Variants in TMEM38B observed in about 807,000 individuals in gnomAD.
TMEM38B encodes transmembrane protein 38B.
TMEM38B carries 24 observed loss-of-function variants against 28.7 expected under a neutral mutation model. The ratio of observed to expected loss-of-function variants is 0.84; its 90% CI spans 0.61 to 1.18. The LOEUF is 1.18. Among genes scored for constraint, TMEM38B ranks in the 50% most tolerant of loss-of-function variants. TMEM38B has a pLI of 0.00. For synonymous variants in TMEM38B, 131 were observed against 127.7 expected, an observed-to-expected ratio of 1.03 and a Z score of -0.17; for missense variants, 380 against 350.9, an observed-to-expected ratio of 1.08 and a Z score of -0.66.
intron 5 of TMEM38B, among the ~76,000 whole-genome samples, chr9:105,771,527 A>T (rs1383544380): frequency 6.6e-6 from 1 of 152,194 alleles, no homozygotes; most frequent in Non-Finnish European, 1.5e-5. Context: ...TGTAAAAAAG[A>T]CGTTGCTGTT....
intron 4 of TMEM38B, among the ~76,000 whole-genome samples, chr9:105,740,057 A>G (rs1837138339): frequency 6.7e-6 from 1 of 149,518 alleles, no homozygotes; most frequent in African/African-American, 2.5e-5. Context: ...TAGTTTCTGT[A>G]TTTTTAGTAG....
intron 5 of TMEM38B, among the ~76,000 whole-genome samples, chr9:105,772,296 C>T (rs1826573051): frequency 6.6e-6 from 1 of 152,146 alleles, no homozygotes; most frequent in Non-Finnish European, 1.5e-5. Flanking sequence ...TTTTAGGGCT[C>T]ACTTCCATGC....
Position 105,773,991 on chromosome 9 carries a change from C to A in TMEM38B, c.787C>A (p.Pro263Thr), listed in dbSNP as rs757131609. Residue 263 changes from proline to threonine, a missense_variant, in exon 6 of 6, where the codon CCT becomes ACT. Transcript: ENST00000374692. ...SCEKKSEAKSPSNGVGSLASK... is the reference protein window; with the variant it reads ...SCEKKSEAKSTSNGVGSLASK... Reference sequence around the variant, plus strand: ...TGAGAAGAAAAGTGAAGCAAAGTCACCTTCCAATGGCGTTGGGTCATTGGC... The same window carrying A: ...TGAGAAGAAAAGTGAAGCAAAGTCAACTTCCAATGGCGTTGGGTCATTGGC... The A allele has an allele frequency of 1.1e-5, 18 of 1,613,824 alleles. No individual in the cohort carries two copies. The highest frequency in any genetic ancestry group is 1.5e-5 in the Non-Finnish European group (18 of 1,179,820).
intron 4 of TMEM38B, among the ~76,000 whole-genome samples, chr9:105,745,363 C>T (rs1239256418): frequency 3.3e-5 from 5 of 152,120 alleles, no homozygotes; most frequent in Non-Finnish European, 2.9e-5. Context: ...TTTCATCTGT[C>T]TGTTGGCTGC....
At chr9:105,717,386 T>C (rs1049952690) in intron 2 of TMEM38B, among the ~76,000 whole-genome samples, 1 of 151,460 alleles carries the variant, frequency 6.6e-6, no homozygotes, top group Non-Finnish European at 1.5e-5. Flanking sequence ...CAAGAGAAAA[T>C]GTTGCTTATG....
intron 4 of TMEM38B, among the ~76,000 whole-genome samples, chr9:105,739,262 G>A (rs1010632001): frequency 6.7e-6 from 1 of 148,760 alleles, no homozygotes; most frequent in Non-Finnish European, 1.5e-5. Flanking sequence ...TAGCATTTTA[G>A]TTAAGTCCCC....
Position 105,729,574 on chromosome 9 carries a change from G to T in TMEM38B, c.542+6953G>T, listed in dbSNP as rs541797754. ...TTCTTGGCTCTGCAGGCTCTTTTTT[G>T]TTTCCATATAAACTTTAAAGTAGTT... is the stretch of plus-strand genomic sequence containing the variant. On this transcript the variant is annotated intron_variant, in intron 4 of 5. Transcript: ENST00000374692. 7.2e-3 allele frequency among the ~76,000 whole-genome samples: 1,092 copies of T among 152,094 alleles called. 7 individuals carry two copies. Among genetic ancestry groups the T allele is most frequent in the Non-Finnish European group, 9.2e-3 (627 of 67,978 alleles).
intron 5 of TMEM38B, among the ~76,000 whole-genome samples, chr9:105,767,155 T>C (rs74538153): frequency 9.2e-5 from 14 of 152,092 alleles, no homozygotes; most frequent in Non-Finnish European, 1.6e-4. Context: ...TTTTTTTTTT[T>C]CCTCCATATG....
chr9:105,764,793 A>G (rs1826306936), intron 5 of TMEM38B, among the ~76,000 whole-genome samples: 1 of 151,508 alleles, frequency 6.6e-6, no homozygotes, highest in Admixed American at 6.6e-5. Flanking sequence ...AAGCCAAAAG[A>G]ACAAAGCTGG....
At chr9:105,765,920 G>T (rs1321856350) in intron 5 of TMEM38B, among the ~76,000 whole-genome samples, 1 of 152,074 alleles carries the variant, frequency 6.6e-6, no homozygotes, top group African/African-American at 2.4e-5. Context: ...TCCTGCCTCA[G>T]CTTCTCGAGT....
At chr9:105,730,804 G>T (rs1269433124) in intron 4 of TMEM38B, among the ~76,000 whole-genome samples, 1 of 152,166 alleles carries the variant, frequency 6.6e-6, no homozygotes, top group Non-Finnish European at 1.5e-5. Context: ...GAGGGTGTAT[G>T]TGTCCAGGAA....
intron 4 of TMEM38B, 75 bp from the exon 5 acceptor site, chr9:105,747,998 G>T: frequency 1.1e-6 from 1 of 936,046 alleles, no homozygotes. Context: ...TTAATGTTTT[G>T]CAGTGCACTC....
intron 5 of TMEM38B, among the ~76,000 whole-genome samples, chr9:105,765,693 G>C (rs76693144): frequency 6.6e-6 from 1 of 152,116 alleles, no homozygotes; most frequent in Non-Finnish European, 1.5e-5. Flanking sequence ...CTGTTGATGG[G>C]TTTTGGTGTA....
intron 4 of TMEM38B, among the ~76,000 whole-genome samples, chr9:105,724,625 A>G (rs1023285304): frequency 4.6e-5 from 6 of 130,108 alleles, no homozygotes; most frequent in South Asian, 2.3e-4. Flanking sequence ...CTCTGTCTCA[A>G]AAAAAAAAAA....
At chr9:105,716,282 C>G (rs1167211627) in intron 2 of TMEM38B, among the ~76,000 whole-genome samples, 1 of 152,052 alleles carries the variant, frequency 6.6e-6, no homozygotes. Context: ...CTCAGAGGGA[C>G]TAAATTGTTC....
intron 4 of TMEM38B, among the ~76,000 whole-genome samples, chr9:105,735,053 T>A (rs1836920696): frequency 6.6e-6 from 1 of 152,088 alleles, no homozygotes. Context: ...TCTCTCTAAT[T>A]TGCATATTTA....
At chr9:105,728,978 T>C (rs1836629113) in intron 4 of TMEM38B, among the ~76,000 whole-genome samples, 2 of 152,214 alleles carry the variant, frequency 1.3e-5, no homozygotes, top group African/African-American at 2.4e-5. Flanking sequence ...TTCTGGATAT[T>C]AGCACTTTGT....
At chr9:105,698,363 G>A (rs972190069) in intron 1 of TMEM38B, among the ~76,000 whole-genome samples, 3 of 152,208 alleles carry the variant, frequency 2.0e-5, no homozygotes, top group Middle Eastern at 3.4e-3. Flanking sequence ...AGGTTTTTAT[G>A]AGGGACACTT....
At chr9:105,770,856 T>A (rs12347783) in intron 5 of TMEM38B, among the ~76,000 whole-genome samples, 35,412 of 152,086 alleles carry the variant, frequency 0.23, 6,792 homozygotes, top group African/African-American at 0.51. Flanking sequence ...AATTTTTCTT[T>A]TATAGATATA....
Sources: gnomAD v4.1 joint callset for allele counts (sites outside exome capture counted in the v4.1 genomes callset) on GRCh38, gnomAD v4.1.1 for gene constraint, MANE v1.5 for transcripts, NCBI Gene and HGNC (gene_info 2026-07-23, HGNC 2026-07-21) for gene names.